SREK1: variants seen among roughly 807,000 people sequenced by gnomAD.
SREK1 encodes the protein splicing regulatory glutamic acid and lysine rich protein 1, also known as splicing regulatory glutamine/lysine-rich protein 1.
A neutral mutation model predicts 66.5 loss-of-function variants in SREK1; 13 were observed. The ratio of observed to expected loss-of-function variants is 0.20; its 90% CI spans 0.13 to 0.31. The LOEUF is 0.31. SREK1 is among the 10% of genes least tolerant of loss of function. SREK1 has a pLI of 1.00. For synonymous variants in SREK1, 265 were observed against 263.5 expected (o/e 1.01, Z -0.05); for missense variants, 607 against 769.6 (o/e 0.79, Z 2.50).
At chr5:66,144,672 T>C in intron 1 of SREK1, 135 bp downstream of exon 1, 1 of 1,395,488 alleles carries the variant, frequency 7.2e-7, no homozygotes, top group Non-Finnish European at 9.4e-7. Flanking sequence ...GGTGCCCATA[T>C]TTGATTAGGG....
At chr5:66,173,604 T>G (rs1561516003) in intron 9 of SREK1, among the ~76,000 whole-genome samples, 1 of 152,226 alleles carries the variant, frequency 6.6e-6, no homozygotes, top group Non-Finnish European at 1.5e-5. Flanking sequence ...TTGTCTAGAT[T>G]GCTGTCTATG....
At chr5:66,174,746 A>G (rs1745915819) in intron 9 of SREK1, 200 bp from the exon 10 acceptor site, 1 of 427,048 alleles carries the variant, frequency 2.3e-6, no homozygotes, top group South Asian at 5.1e-5. Flanking sequence ...TGTTTTCATC[A>G]GTCTGTAAAA....
intron 1 of SREK1, chr5:66,144,892 A>G (rs944428551): frequency 9.9e-7 from 1 of 1,009,810 alleles, no homozygotes; most frequent in African/African-American, 1.7e-5. Context: ...CCTCATGGCA[A>G]ACGTCTCAGA....
At chr5:66,175,758 C>A (rs932812961) in intron 10 of SREK1, among the ~76,000 whole-genome samples, 1 of 152,070 alleles carries the variant, frequency 6.6e-6, no homozygotes, top group African/African-American at 2.4e-5. Flanking sequence ...TCTTTTTCTG[C>A]GAATTGTCTG....
intron 2 of SREK1, 135 bp from the exon 3 acceptor site, chr5:66,159,084 A>T: frequency 3.5e-6 from 5 of 1,425,908 alleles, no homozygotes; most frequent in Non-Finnish European, 3.7e-6. Context: ...GTTCTTATTT[A>T]TTTCTTTATA....
chr5:66,176,810 T>C (rs1746093866), intron 10 of SREK1, among the ~76,000 whole-genome samples: 2 of 152,126 alleles, frequency 1.3e-5, no homozygotes, highest in African/African-American at 4.8e-5. Flanking sequence ...AGGAAAGTTA[T>C]TGATTTCTGT....
At position 66,148,737 on chromosome 5, in the gene SREK1, C is replaced by T. The variant is rs373682022; in HGVS notation, c.161+4200C>T. On this transcript the variant is annotated intron_variant, in intron 1 of 11. Coordinates refer to ENST00000334121, the MANE Select transcript of SREK1 (RefSeq NM_001077199.3). ...TTGGCATCCTAAAGTGCTGGGGTGA[C>T]AGATGTGAGCCACTGTGCCTGGCCT... 2.0e-4 allele frequency among the ~76,000 whole-genome samples: 31 copies of T among 152,274 alleles called. No homozygotes were observed. The South Asian group carries it at 6.2e-3, about 31-fold the overall frequency.
In SREK1 at chr5:66,181,911, G is replaced by GGC. The variant is rs1554079282; in HGVS notation, c.*3044_*3045insCG. 3.3e-5 allele frequency: 4 copies of GGC among 122,936 alleles called. No homozygotes were observed. The highest frequency in any genetic ancestry group is 5.8e-5 in the African/African-American group (2 of 34,498). The allele number at this position is 122,936 out of a possible 1,614,324, so 7.6% of individuals were successfully genotyped here. On this transcript the variant is annotated 3_prime_UTR_variant, in exon 12 of 12. Coordinates refer to ENST00000334121, the MANE Select transcript of SREK1 (RefSeq NM_001077199.3). ...AAAGGTTTTTTTGTCGGGGGGGGGG[G>GGC]GGTCAAGAGAATTTATTTTGTGATA...
In SREK1 at chr5:66,178,971, A is replaced by G; in HGVS notation, c.*103A>G. 1 of 1,289,818 alleles carries G rather than the reference A, an allele frequency of 7.8e-7. No homozygotes were observed. Among genetic ancestry groups the G allele is most frequent in the Non-Finnish European group, 1.0e-6 (1 of 981,614 alleles). 79.9% of individuals were successfully genotyped at this position (1,289,818 alleles called of 1,614,324 possible). A position where few individuals can be genotyped will look rare whatever the true frequency, so the allele number is the denominator to read the frequency against. ...GAAAGAAATCTAGTTGAGCATGAAG[A>G]TAGGATCTAACAGCTTTTCCAGTTG... On this transcript the variant is annotated 3_prime_UTR_variant, in exon 12 of 12. Coordinates refer to ENST00000334121, the MANE Select transcript of SREK1 (RefSeq NM_001077199.3).
At chr5:66,147,673 A>G (rs1025822177) in intron 1 of SREK1, among the ~76,000 whole-genome samples, 2 of 151,980 alleles carry the variant, frequency 1.3e-5, no homozygotes, top group South Asian at 2.1e-4. Context: ...TTATTTAGTT[A>G]AAAAAAATGT....
chr5:66,164,747 C>T (rs757693832), intron 6 of SREK1, 36 bp from the exon 7 acceptor site: 3 of 1,613,552 alleles, frequency 1.9e-6, no homozygotes, highest in Non-Finnish European at 2.5e-6. Context: ...TTTAATTGTT[C>T]TGAGCTTACA....
At chr5:66,159,410 A>G (rs1744547990) in intron 3 of SREK1, 76 bp downstream of exon 3, 11 of 1,122,454 alleles carry the variant, frequency 9.8e-6, no homozygotes, top group Non-Finnish European at 1.3e-5. Flanking sequence ...GCTTCAGATT[A>G]TTTGCATTTG....
chr5:66,153,939 A>G (rs1270432262), intron 2 of SREK1: 1 of 238,674 alleles, frequency 4.2e-6, no homozygotes, highest in Non-Finnish European at 8.0e-6. Flanking sequence ...TGTGTGTTCA[A>G]TATTAATACT....
chr5:66,165,329 AT>A (rs1745083799), intron 7 of SREK1: 1 of 158,906 alleles, frequency 6.3e-6, no homozygotes, highest in South Asian at 1.8e-4. Flanking sequence ...ACCACCCCAG[AT>A]CTTTCACGCA....
intron 2 of SREK1, among the ~76,000 whole-genome samples, chr5:66,154,700 T>C (rs758476302): frequency 6.6e-6 from 1 of 152,202 alleles, no homozygotes; most frequent in South Asian, 2.1e-4. Context: ...AGTCCCAGAA[T>C]AGGACATTCT....
At position 66,164,125 on chromosome 5, in the gene SREK1, A is replaced by C. The variant is rs186623024; in HGVS notation, c.886+203A>C. On this transcript the variant is annotated intron_variant, in intron 6 of 11. Transcript: ENST00000334121. ...TCTTTCTGTGATACTGAATTGAGGC[A>C]CTTTAGTCTGAGCTAATCAGCTCTG... 4,156 of 549,580 alleles carry C rather than the reference A, an allele frequency of 7.6e-3. 27 individuals carry two copies. Among genetic ancestry groups the C allele is most frequent in the Non-Finnish European group, 9.7e-3 (3,236 of 333,322 alleles). The allele number at this position is 549,580 out of a possible 1,614,324, so 34.0% of individuals were successfully genotyped here.
Position 66,144,313 on chromosome 5 carries a change from C to T in SREK1, c.-64C>T. ...TCGCGGCCGCGCGTTCTCCGCTTTC[C>T]CGGCTCCGTCGCTGACGCGTCGTAG... On this transcript the variant is annotated 5_prime_UTR_variant, in exon 1 of 12. Transcript: ENST00000334121. The T allele has an allele frequency of 1.5e-6, 2 of 1,353,176 alleles. No individual in the cohort carries two copies. Among genetic ancestry groups the T allele is most frequent in the East Asian group, 2.7e-5 (1 of 37,156 alleles). 83.8% of individuals were successfully genotyped at this position (1,353,176 alleles called of 1,614,324 possible).
At chr5:66,161,965 A>G in intron 3 of SREK1, 144 bp from the exon 4 acceptor site, 1 of 791,430 alleles carries the variant, frequency 1.3e-6, no homozygotes, top group Non-Finnish European at 1.9e-6. Flanking sequence ...AATAACTCAG[A>G]CATATATATG....
intron 5 of SREK1, 49 bp downstream of exon 5, chr5:66,162,641 G>A: frequency 1.3e-6 from 2 of 1,519,080 alleles, no homozygotes; most frequent in Admixed American, 2.2e-5. Context: ...AACATTTAAA[G>A]TATTTTTGAT....
Sources: gnomAD v4.1 joint callset for allele counts (sites outside exome capture counted in the v4.1 genomes callset) on GRCh38, gnomAD v4.1.1 for gene constraint, MANE v1.5 for transcripts, NCBI Gene and HGNC (gene_info 2026-07-23, HGNC 2026-07-21) for gene names.